The following NEDD9 variants were observed in gnomAD, a reference collection of about 807,000 sequenced individuals.
NEDD9 encodes the protein enhancer of filamentation 1.
A neutral mutation model predicts 76.6 loss-of-function variants in NEDD9; 26 were observed. That is an observed-to-expected ratio of 0.34 (90% CI 0.25 to 0.47). The LOEUF (loss-of-function observed/expected upper bound fraction) is 0.47. Ranked by LOEUF, NEDD9 falls within the 20% of genes least tolerant of loss-of-function variation. The pLI, the probability that NEDD9 is intolerant of heterozygous loss-of-function variation, is 1.00. For synonymous variants in NEDD9, 392 were observed against 414.2 expected, an observed-to-expected ratio of 0.95 and a Z score of 0.65; for missense variants, 937 against 1,058.5, an observed-to-expected ratio of 0.89 and a Z score of 1.59.
chr6:11,361,410 G>T (rs1762677577), intron 1 of NEDD9, among the ~76,000 whole-genome samples: 1 of 152,164 alleles, frequency 6.6e-6, no homozygotes, highest in Non-Finnish European at 1.5e-5. Flanking sequence ...GGTAGAGTAG[G>T]AGCAGGTACG....
At chr6:11,299,424 G>A (rs1480158279) in intron 3 of NEDD9, among the ~76,000 whole-genome samples, 1 of 152,240 alleles carries the variant, frequency 6.6e-6, no homozygotes, top group Non-Finnish European at 1.5e-5. Flanking sequence ...TCTGGGGTCA[G>A]GGCATAGGAG....
chr6:11,233,316 C>T (rs1158862097), upstream of NEDD9: 2 of 519,024 alleles, frequency 3.9e-6, no homozygotes, highest in East Asian at 1.1e-4. Context: ...AGCACACGCA[C>T]CAGCGTTTTC....
chr6:11,255,215 T>G (rs1348416988), intron 3 of NEDD9, among the ~76,000 whole-genome samples: 1 of 152,218 alleles, frequency 6.6e-6, no homozygotes, highest in African/African-American at 2.4e-5. Flanking sequence ...CAGCTAACCA[T>G]GCTGAGAGGA....
rs766042952 is a variant in NEDD9, at chr6:11,190,756, G to A, written c.1113C>T (p.Ser371=). 1 of 1,614,182 alleles carries A rather than the reference G, an allele frequency of 6.2e-7. No homozygotes were observed. Among genetic ancestry groups the A allele is most frequent in the Non-Finnish European group, 8.5e-7 (1 of 1,180,036 alleles). ...LVDGINRLSF[S]STGSTRSNMS... ...TGTTACTCCGGGTGCTGCCTGTACTGGAGAAAGACAATCGGTTGATCCCAT... is the reference window on the plus strand; with the variant it reads ...TGTTACTCCGGGTGCTGCCTGTACTAGAGAAAGACAATCGGTTGATCCCAT... Residue 371 remains serine, a synonymous_variant, in exon 5 of 7, where the codon TCC becomes TCT. Coordinates refer to ENST00000379446, the MANE Select transcript of NEDD9 (RefSeq NM_006403.4). This position sits in a 1 kb window ranked among gnomAD's most constrained non-coding sequence, Gnocchi z 5.8.
At chr6:11,337,176 C>T (rs149978204) in intron 1 of NEDD9, among the ~76,000 whole-genome samples, 1 of 152,290 alleles carries the variant, frequency 6.6e-6, no homozygotes, top group African/African-American at 2.4e-5. Flanking sequence ...CCAGATCATG[C>T]CACTGCACTC....
chr6:11,337,522 T>C (rs574639987), intron 1 of NEDD9, among the ~76,000 whole-genome samples: 56 of 152,280 alleles, frequency 3.7e-4, no homozygotes, highest in African/African-American at 1.1e-3. Context: ...CACTAGGTGA[T>C]AGGAAATTTT....
intron 2 of NEDD9, among the ~76,000 whole-genome samples, chr6:11,317,229 T>C (rs756822279): frequency 6.6e-6 from 1 of 151,852 alleles, no homozygotes; most frequent in African/African-American, 2.4e-5. Flanking sequence ...GGTCAGGAGT[T>C]TGAGACCAGC....
intron 1 of NEDD9, among the ~76,000 whole-genome samples, chr6:11,336,737 C>A (rs1352413261): frequency 6.6e-6 from 1 of 152,218 alleles, no homozygotes; most frequent in Admixed American, 6.5e-5. Context: ...ATAACTTCTT[C>A]TACTTTATAA....
At chr6:11,369,724 C>T (rs1354174641) in intron 1 of NEDD9, among the ~76,000 whole-genome samples, 1 of 152,178 alleles carries the variant, frequency 6.6e-6, no homozygotes, top group Non-Finnish European at 1.5e-5. Flanking sequence ...TGGGCTTGTA[C>T]TGTATGTTCT....
intron 3 of NEDD9, among the ~76,000 whole-genome samples, chr6:11,275,565 C>CACACACACAT (rs551632582): frequency 2.0e-5 from 3 of 150,184 alleles, no homozygotes; most frequent in East Asian, 2.0e-4. Flanking sequence ...CACACACACA[C>CACACACACAT]ATATATATAT....
intron 1 of NEDD9, among the ~76,000 whole-genome samples, chr6:11,220,320 C>G (rs147989417): frequency 6.6e-6 from 1 of 152,186 alleles, no homozygotes; most frequent in Non-Finnish European, 1.5e-5. Flanking sequence ...TGGACCCCCC[C>G]GCCGAATCTT....
At chr6:11,374,392 T>C (rs1193212923) in intron 1 of NEDD9, among the ~76,000 whole-genome samples, 1 of 152,206 alleles carries the variant, frequency 6.6e-6, no homozygotes, top group Non-Finnish European at 1.5e-5. Flanking sequence ...GCTAAAGCCA[T>C]GTCCTGATAG....
intron 4 of NEDD9, 43 bp downstream of exon 4, chr6:11,192,298 GACAC>G: frequency 1.6e-6 from 1 of 607,744 alleles, no homozygotes; most frequent in Non-Finnish European, 2.6e-6. Flanking sequence ...CCGACACACA[GACAC>G]ACACACACAC....
rs183483090 is a variant in NEDD9, at chr6:11,341,753, A to G, written c.-213-7192T>C. ...GAGCTTCTACAATGTAACATTCACA[A>G]TGCCCAGTATTCAATGATAAATCAC... On this transcript the variant is annotated intron_variant, in intron 1 of 3. Coordinates refer to the NEDD9 transcript ENST00000397378. 4.3e-3 allele frequency among the ~76,000 whole-genome samples: 651 copies of G among 152,354 alleles called. 2 individuals are homozygous for G. The highest frequency in any genetic ancestry group is 0.015 in the African/African-American group (619 of 41,576).
intron 3 of NEDD9, among the ~76,000 whole-genome samples, chr6:11,255,195 T>C (rs1759979844): frequency 6.6e-6 from 1 of 152,150 alleles, no homozygotes; most frequent in Non-Finnish European, 1.5e-5. Flanking sequence ...TGGGCAGAGA[T>C]ACAAATCAAC....
At chr6:11,197,185 A>T (rs541167361) in intron 2 of NEDD9, among the ~76,000 whole-genome samples, 1 of 151,910 alleles carries the variant, frequency 6.6e-6, no homozygotes, top group African/African-American at 2.4e-5. Context: ...TACACAAAGG[A>T]CATTTTTAAA....
chr6:11,353,454 G>C (rs930097414), intron 1 of NEDD9, among the ~76,000 whole-genome samples: 1 of 152,210 alleles, frequency 6.6e-6, no homozygotes, highest in African/African-American at 2.4e-5. Context: ...ACAAGCCCAG[G>C]AATGCCCGGG....
chr6:11,204,908 C>T (rs535159921), intron 2 of NEDD9, among the ~76,000 whole-genome samples: 27 of 152,172 alleles, frequency 1.8e-4, no homozygotes, highest in African/African-American at 4.8e-4. Context: ...GTGGGGGGAA[C>T]TTCCAAGCTC....
chr6:11,331,342 A>G (rs1184304942), intron 2 of NEDD9, among the ~76,000 whole-genome samples: 1 of 149,144 alleles, frequency 6.7e-6, no homozygotes, highest in Non-Finnish European at 1.5e-5. Context: ...TTACTCCTCC[A>G]CAAATCATGA....
Sources: gnomAD v4.1 joint callset for allele counts (sites outside exome capture counted in the v4.1 genomes callset) on GRCh38, gnomAD v4.1.1 for gene constraint, Gnocchi (gnomAD v3.1) non-coding constraint, MANE v1.5 for transcripts, NCBI Gene and HGNC (gene_info 2026-07-23, HGNC 2026-07-21) for gene names.